ARSD: variants seen among roughly 807,000 people sequenced by gnomAD.
ARSD encodes the protein testis tissue sperm-binding protein Li 39a.
Under a neutral mutation model 32.6 loss-of-function variants are expected in ARSD, and 21 were observed. The ratio of observed to expected loss-of-function variants is 0.64; its 90% CI spans 0.46 to 0.93. The LOEUF (loss-of-function observed/expected upper bound fraction) is 0.93. Among genes scored for constraint, ARSD ranks in the 40% least tolerant of loss-of-function variants. ARSD has a pLI of 0.00. For missense variants in ARSD, 454 were observed against 520.9 expected (o/e 0.87, Z 1.25); for synonymous variants, 224 against 237.4 (o/e 0.94, Z 0.52).
rs759500664 is a variant in ARSD, at chrX:2,923,201, C to T, written c.195-1177G>A. ...TTCAACACCAGATATTGGTTGGGCA[C>T]GGTGGTTCACGCCTGTCATCCCAGC... On this transcript the variant is annotated intron_variant, in intron 2 of 9. Coordinates refer to ENST00000381154, the MANE Select transcript of ARSD (RefSeq NM_001669.4). 2.9e-4 allele frequency: 70 copies of T among 244,110 alleles called. 1 individual carries two copies. Among genetic ancestry groups the T allele is most frequent in the South Asian group, 1.1e-3 (26 of 24,264 alleles). 20.1% of individuals were successfully genotyped at this position (244,110 alleles called of 1,213,427 possible).
At chrX:2,926,013 T>C (rs1325007263) in intron 1 of ARSD, among the ~76,000 whole-genome samples, 1 of 111,883 alleles carries the variant, frequency 8.9e-6, no homozygotes, top group Non-Finnish European at 1.9e-5. Flanking sequence ...AGTTTTTAAT[T>C]CTGTAACCAG....
chrX:2,929,132 G>A (rs1202117726), intron 1 of ARSD, 100 bp downstream of exon 1: 17 of 818,439 alleles, frequency 2.1e-5, no homozygotes, highest in East Asian at 1.3e-4. Context: ...CTTTACAGGG[G>A]CCCAGGCTCG....
At chrX:2,929,196 G>A in intron 1 of ARSD, 36 bp downstream of exon 1, 1 of 1,035,481 alleles carries the variant, frequency 9.7e-7, no homozygotes, top group Non-Finnish European at 1.2e-6. Context: ...CCCACCCTAG[G>A]CCTTAGTATG....
chrX:2,910,617 A>G (rs2088893816), intron 7 of ARSD, 42 bp downstream of exon 7: 1 of 1,206,853 alleles, frequency 8.3e-7, no homozygotes, highest in African/African-American at 1.8e-5. Flanking sequence ...GGTGGCAGAT[A>G]TTTGGTCGAA....
chrX:2,916,970 C>T (rs1011677157), intron 5 of ARSD, among the ~76,000 whole-genome samples: 3 of 107,629 alleles, frequency 2.8e-5, no homozygotes, highest in Admixed American at 2.0e-4. Flanking sequence ...CGGTGGCTCA[C>T]GCTTATAATC....
At chrX:2,929,071 G>A (rs2089123285) in intron 1 of ARSD, among the ~76,000 whole-genome samples, 161 bp downstream of exon 1, 1 of 112,258 alleles carries the variant, frequency 8.9e-6, no homozygotes, top group African/African-American at 3.2e-5. Flanking sequence ...GGCACAGAAC[G>A]CGCCTCCAGC....
At chrX:2,913,949 C>G in intron 6 of ARSD, 1 of 287,590 alleles carries the variant, frequency 3.5e-6, no homozygotes, top group Non-Finnish European at 4.8e-6. Context: ...TCTCTTGGTC[C>G]TTCTCCTGCC....
At chrX:2,923,863 G>A (rs1053807969) in intron 2 of ARSD, among the ~76,000 whole-genome samples, 2 of 112,216 alleles carry the variant, frequency 1.8e-5, no homozygotes, top group African/African-American at 6.5e-5. Context: ...GAGTTTCTTT[G>A]GGGGTATGCA....
chrX:2,908,773 C>T lies in ARSD; in HGVS notation c.1368G>A (p.Leu456=), dbSNP rs770279319. 2.5e-6 allele frequency: 3 copies of T among 1,209,113 alleles called. No homozygotes were observed. The highest frequency in any genetic ancestry group is 5.9e-5 in the East Asian group (2 of 33,693). ...GAAGATGCTGCCCACAGTAATGAAA[C>T]AGGAACTCATGTGCCGAGCGTGCCT... is the stretch of plus-strand genomic sequence containing the variant. The part of the protein sequence containing the change: ...GAEARSAHEF[L]FHYCGQHLHA... Residue 456 remains leucine, a synonymous_variant, in exon 9 of 10, where the codon CTG becomes CTA. Transcript: ENST00000381154.
At chrX:2,915,742 A>G in intron 5 of ARSD, 50 bp from the exon 6 acceptor site, 1 of 1,142,333 alleles carries the variant, frequency 8.8e-7, no homozygotes, top group Non-Finnish European at 1.2e-6. Flanking sequence ...CAGTACACCA[A>G]AGGGACCCCT....
intron 2 of ARSD, among the ~76,000 whole-genome samples, chrX:2,924,706 A>G (rs761461473): frequency 8.9e-6 from 1 of 112,299 alleles, no homozygotes; most frequent in Non-Finnish European, 1.9e-5. Context: ...AGTTGTTATT[A>G]GGTATCCCGA....
At chrX:2,925,940 G>A (rs2089078968) in intron 1 of ARSD, among the ~76,000 whole-genome samples, 175 bp from the exon 2 acceptor site, 1 of 111,633 alleles carries the variant, frequency 9.0e-6, no homozygotes, top group Non-Finnish European at 1.9e-5. Context: ...GGGCCAAACC[G>A]AGGGTCAGAC....
chrX:2,928,202 G>C (rs2089104931), intron 1 of ARSD, among the ~76,000 whole-genome samples: 1 of 108,736 alleles, frequency 9.2e-6, no homozygotes, highest in Admixed American at 9.8e-5. Flanking sequence ...CTAGAGGGTG[G>C]GGACATGGAG....
At position 2,909,812 on chromosome X, in the gene ARSD, C is replaced by A. The variant is rs756452941; in HGVS notation, c.1298+5G>T. ...CAGGGAACAGGCAGCCTTATCTCCACGTACCTGTCCTGGGGCACCTCGCCA... is the reference window on the plus strand; with the variant it reads ...CAGGGAACAGGCAGCCTTATCTCCAAGTACCTGTCCTGGGGCACCTCGCCA... On this transcript the variant is annotated splice_donor_5th_base_variant and intron_variant, in intron 8 of 9. Transcript: ENST00000381154. 2 of 1,198,190 alleles carry A rather than the reference C, an allele frequency of 1.7e-6. No homozygotes were observed. Among genetic ancestry groups the A allele is most frequent in the South Asian group, 1.8e-5 (1 of 55,492 alleles).
At chrX:2,914,449 A>C in intron 6 of ARSD, 1 of 626,397 alleles carries the variant, frequency 1.6e-6, no homozygotes, top group Non-Finnish European at 2.0e-6. Flanking sequence ...TATGTTGCCC[A>C]GGCTGGTCTT....
chrX:2,906,710 G>A lies in ARSD; in HGVS notation c.*561C>T, dbSNP rs1331628378. 3 of 112,592 alleles carry A rather than the reference G, an allele frequency of 2.7e-5. No homozygotes were observed. The highest frequency in any genetic ancestry group is 9.7e-5 in the African/African-American group (3 of 30,783). The allele number at this position is 112,592 out of a possible 1,213,427, so 9.3% of individuals were successfully genotyped here. Reference sequence around the variant, plus strand: ...TTGCAACAATGCTTTAAGACGGAGGGGTGAAAACATCGGGCATTGGCACAA... The same window carrying A: ...TTGCAACAATGCTTTAAGACGGAGGAGTGAAAACATCGGGCATTGGCACAA... On this transcript the variant is annotated 3_prime_UTR_variant, in exon 10 of 10. Transcript: ENST00000381154.
chrX:2,911,544 A>T (rs1222175002), intron 6 of ARSD, among the ~76,000 whole-genome samples: 1 of 93,569 alleles, frequency 1.1e-5, no homozygotes, highest in Non-Finnish European at 2.1e-5. Flanking sequence ...GTGGCGGGAG[A>T]CTGTAGTCCC....
At position 2,907,577 on chromosome X, in the gene ARSD, C is replaced by G. The variant is rs200460664; in HGVS notation, c.1476G>C (p.Ala492=). 8.8e-4 allele frequency: 1,001 copies of G among 1,136,378 alleles called. 6 individuals are homozygous for G. In the African/African-American group the frequency reaches 0.016, roughly 18 times the overall value. The allele number at this position is 1,136,378 out of a possible 1,213,427, so 93.7% of individuals were successfully genotyped here. A position where few individuals can be genotyped will look rare whatever the true frequency, so the allele number is the denominator to read the frequency against. ...AGACGCCTCGGCCGTAGCAGGCCCCCGCTCCCTCGGGGTGGAACTGCGGGG... is the reference window on the plus strand; with the variant it reads ...AGACGCCTCGGCCGTAGCAGGCCCCGGCTCCCTCGGGGTGGAACTGCGGGG... The part of the protein sequence containing the change: ...YTTPQFHPEG[A]GACYGRGVCP... Residue 492 remains alanine (A), a synonymous_variant, in exon 10 of 10, where the codon GCG becomes GCC. Coordinates refer to ENST00000381154, the MANE Select transcript of ARSD (RefSeq NM_001669.4).
At chrX:2,909,641 G>A (rs1569085821) in intron 8 of ARSD, among the ~76,000 whole-genome samples, 176 bp downstream of exon 8, 1 of 90,170 alleles carries the variant, frequency 1.1e-5, no homozygotes, top group Admixed American at 1.4e-4. Flanking sequence ...CCGAGATCAT[G>A]CCATTGCACT....
Sources: allele counts gnomAD v4.1 joint callset (sites outside exome capture counted in the v4.1 genomes callset), GRCh38; gene constraint gnomAD v4.1.1; transcripts MANE v1.5; gene names NCBI Gene and HGNC (gene_info 2026-07-23, HGNC 2026-07-21).